Variants in SYNPO2 observed in about 807,000 individuals in gnomAD.
SYNPO2 encodes the protein synaptopodin 2.
SYNPO2 carries 56 observed loss-of-function variants against 85.0 expected under a neutral mutation model. The ratio of observed to expected loss-of-function variants is 0.66; its 90% CI spans 0.53 to 0.82. The LOEUF (loss-of-function observed/expected upper bound fraction) is 0.82. Ranked by LOEUF, SYNPO2 falls within the 40% of genes least tolerant of loss-of-function variation. SYNPO2 has a pLI of 0.00. For missense variants in SYNPO2, 1,575 were observed against 1,534.2 expected, an observed-to-expected ratio of 1.03 and a Z score of -0.44; for synonymous variants, 602 against 591.1, an observed-to-expected ratio of 1.02 and a Z score of -0.27.
At chr4:118,905,936 T>A (rs1732921813) in intron 1 of SYNPO2, among the ~76,000 whole-genome samples, 1 of 152,220 alleles carries the variant, frequency 6.6e-6, no homozygotes, top group Admixed American at 6.5e-5. Context: ...CACTGGTATT[T>A]CTAGTTAAAT....
intron 1 of SYNPO2, among the ~76,000 whole-genome samples, chr4:118,933,761 C>T (rs1734005703): frequency 6.6e-6 from 1 of 150,406 alleles, no homozygotes; most frequent in East Asian, 2.0e-4. Flanking sequence ...TTAATATAAT[C>T]TGTTCACGAG....
chr4:119,029,386 G>A (rs1391557763), intron 3 of SYNPO2, among the ~76,000 whole-genome samples: 2 of 151,950 alleles, frequency 1.3e-5, no homozygotes, highest in Non-Finnish European at 2.9e-5. Context: ...TTCTTGGGAC[G>A]CTCCTCCCTT....
intron 4 of SYNPO2, chr4:119,035,819 C>CAA (rs5861408): frequency 0.26 from 228,648 of 868,498 alleles, 3,217 homozygotes; most frequent in East Asian, 0.4. Flanking sequence ...CTGAGATGTC[C>CAA]AAAAAAAAAA....
At chr4:118,924,517 G>C (rs1335167175) in intron 1 of SYNPO2, among the ~76,000 whole-genome samples, 3 of 152,106 alleles carry the variant, frequency 2.0e-5, no homozygotes, top group African/African-American at 7.2e-5. Flanking sequence ...AAAGAAGCCC[G>C]AGCCCTTGGT....
At chr4:119,051,513 G>A (rs1739051453) in intron 4 of SYNPO2, among the ~76,000 whole-genome samples, 1 of 152,112 alleles carries the variant, frequency 6.6e-6, no homozygotes, top group Admixed American at 6.5e-5. Context: ...TTGATTCAAT[G>A]TAAGAAAGAA....
chr4:118,983,327 C>T (rs1223296979), intron 1 of SYNPO2, among the ~76,000 whole-genome samples: 1 of 152,096 alleles, frequency 6.6e-6, no homozygotes, highest in Non-Finnish European at 1.5e-5. Context: ...TTCTCTCTGC[C>T]TCCATTCACA....
intron 1 of SYNPO2, among the ~76,000 whole-genome samples, chr4:118,919,061 T>C (rs1372304306): frequency 1.3e-5 from 2 of 152,200 alleles, no homozygotes; most frequent in African/African-American, 2.4e-5. Context: ...TAGCATGGTG[T>C]TCCTAATGAA....
At chr4:118,898,174 C>T (rs1278219569) in intron 1 of SYNPO2, among the ~76,000 whole-genome samples, 2 of 152,054 alleles carry the variant, frequency 1.3e-5, no homozygotes, top group African/African-American at 4.8e-5. Flanking sequence ...TTTTGTCATG[C>T]AGTTCAAGAC....
intron 1 of SYNPO2, among the ~76,000 whole-genome samples, chr4:118,943,360 A>C (rs62327796): frequency 0.11 from 16,115 of 152,248 alleles, 941 homozygotes; most frequent in East Asian, 0.15. Flanking sequence ...AATTAGGTAG[A>C]TTGAGACATG....
chr4:118,852,122 G>T (rs1450634793), intron 1 of SYNPO2, among the ~76,000 whole-genome samples: 1 of 152,140 alleles, frequency 6.6e-6, no homozygotes, highest in Non-Finnish European at 1.5e-5. Context: ...TATAAAAAAA[G>T]CTCAATATCA....
rs35323966 is a variant in SYNPO2 at position 118,891,325 on chromosome 4, T to C, written c.105+2184T>C. ...AAAGTATCTGGAAGTTTGCCTTAAT[T>C]TTTGTGTGTTTGTGTGTGCAAGAGA... is the stretch of plus-strand genomic sequence containing the variant. On this transcript the variant is annotated intron_variant, in intron 1 of 4. Coordinates refer to ENST00000307142, the MANE Select transcript of SYNPO2 (RefSeq NM_133477.3). Among the ~76,000 whole-genome samples, 687 of 152,274 alleles carry C rather than the reference T, an allele frequency of 4.5e-3. 6 individuals carry two copies. Among genetic ancestry groups the C allele is most frequent in the Non-Finnish European group, 7.0e-3 (475 of 68,018 alleles).
chr4:119,046,755 T>A (rs1387850084), intron 4 of SYNPO2, among the ~76,000 whole-genome samples: 2 of 152,250 alleles, frequency 1.3e-5, no homozygotes, highest in Non-Finnish European at 1.5e-5. Context: ...ATTGCGTGGA[T>A]AACAAAAGAC....
intron 1 of SYNPO2, among the ~76,000 whole-genome samples, chr4:118,959,303 A>G (rs1734988896): frequency 6.6e-6 from 1 of 152,262 alleles, no homozygotes; most frequent in African/African-American, 2.4e-5. Flanking sequence ...GTTTGCTGCC[A>G]GTTCCAAAGA....
chr4:118,900,941 G>A (rs1453572285), intron 1 of SYNPO2, among the ~76,000 whole-genome samples: 1 of 151,576 alleles, frequency 6.6e-6, no homozygotes, highest in Non-Finnish European at 1.5e-5. Flanking sequence ...TCCCAGAGAA[G>A]TAATTTTTTA....
intron 1 of SYNPO2, among the ~76,000 whole-genome samples, chr4:118,882,621 C>A (rs1239871166): frequency 6.6e-6 from 1 of 152,080 alleles, no homozygotes; most frequent in Admixed American, 6.5e-5. Flanking sequence ...CACACACACA[C>A]CCCACACACC....
At chr4:118,890,104 GT>G (rs769776800) in intron 1 of SYNPO2, among the ~76,000 whole-genome samples, 32 of 147,194 alleles carry the variant, frequency 2.2e-4, no homozygotes, top group Middle Eastern at 7.2e-3. Flanking sequence ...TGTAGTTATT[GT>G]TTGTTTCCCT....
chr4:118,851,903 G>A (rs1731425935), intron 1 of SYNPO2, among the ~76,000 whole-genome samples: 1 of 150,994 alleles, frequency 6.6e-6, no homozygotes, highest in African/African-American at 2.4e-5. Flanking sequence ...AGTCTTTTCA[G>A]AAAACTGTGG....
chr4:119,029,026 C>T (rs1299436818), intron 3 of SYNPO2, among the ~76,000 whole-genome samples: 1 of 151,750 alleles, frequency 6.6e-6, no homozygotes, highest in Non-Finnish European at 1.5e-5. Flanking sequence ...AGTTTTTACA[C>T]AGTTAAGTGG....
chr4:118,977,366 C>G (rs924814040), intron 1 of SYNPO2, among the ~76,000 whole-genome samples: 10 of 152,254 alleles, frequency 6.6e-5, no homozygotes, highest in Admixed American at 6.5e-5. Flanking sequence ...CAACCCCACG[C>G]CCACCCGGAA....
Sources: gnomAD v4.1 joint callset for allele counts (sites outside exome capture counted in the v4.1 genomes callset) on GRCh38, gnomAD v4.1.1 for gene constraint, MANE v1.5 for transcripts, NCBI Gene and HGNC (gene_info 2026-07-23, HGNC 2026-07-21) for gene names.